The following SCMH1 variants were observed in gnomAD, a reference collection of about 807,000 sequenced individuals.
SCMH1 encodes the protein polycomb protein SCMH1.
In SCMH1, 37 loss-of-function variants were observed where a neutral mutation model predicts 70.8. That is an observed-to-expected ratio of 0.52 (90% confidence interval 0.40 to 0.69). The LOEUF (loss-of-function observed/expected upper bound fraction) is 0.69, where lower values mean the gene tolerates loss of function less well. SCMH1 is among the 30% of genes least tolerant of loss of function. The pLI, the probability that SCMH1 is intolerant of heterozygous loss-of-function variation, is 0.00. For missense variants in SCMH1, 607 were observed against 827.3 expected (o/e 0.73, Z 3.27); for synonymous variants, 292 against 307.4 (o/e 0.95, Z 0.52).
chr1:41,238,825 A>G (rs1662911561), intron 1 of SCMH1, among the ~76,000 whole-genome samples: 1 of 152,184 alleles, frequency 6.6e-6, no homozygotes, highest in Non-Finnish European at 1.5e-5. Context: ...TACTTCCACT[A>G]TATTTGCTCA....
At chr1:41,097,455 G>A (rs187845364) in intron 8 of SCMH1, among the ~76,000 whole-genome samples, 4 of 152,230 alleles carry the variant, frequency 2.6e-5, no homozygotes, top group East Asian at 3.9e-4. Flanking sequence ...ACTGTCTCCC[G>A]AATGTCTCAA....
At chr1:41,092,583 G>A (rs971276128) in intron 8 of SCMH1, among the ~76,000 whole-genome samples, 18 of 152,080 alleles carry the variant, frequency 1.2e-4, no homozygotes, top group African/African-American at 3.6e-4. Context: ...GAGTGAACAG[G>A]CAACCTACAA....
intron 1 of SCMH1, among the ~76,000 whole-genome samples, chr1:41,226,718 T>C (rs1438636950): frequency 2.6e-5 from 4 of 152,198 alleles, no homozygotes; most frequent in African/African-American, 9.6e-5. Context: ...TTCTGACATA[T>C]ATTAATCAAC....
chr1:41,223,915 T>C lies in SCMH1; in HGVS notation c.-118+18144A>G, dbSNP rs570253635. On this transcript the variant is annotated intron_variant, in intron 1 of 14. Coordinates refer to ENST00000337495, the Ensembl canonical transcript of SCMH1. ...GCTCAAAACCCTTCACTGACTCCTC[T>C]TGCCCACAGAATGACATTTAAACTC... 1.1e-3 allele frequency among the ~76,000 whole-genome samples: 166 copies of C among 152,262 alleles called. 1 individual carries two copies. Among genetic ancestry groups the C allele is most frequent in the African/African-American group, 3.9e-3 (160 of 41,554 alleles).
chr1:41,098,673 TC>T, intron 8 of SCMH1: 1 of 172,426 alleles, frequency 5.8e-6, no homozygotes, highest in African/African-American at 2.3e-5. Flanking sequence ...CTCCTGTCCC[TC>T]CCAAAGCCAA....
intron 1 of SCMH1, among the ~76,000 whole-genome samples, chr1:41,202,723 T>C (rs1185739140): frequency 2.0e-5 from 3 of 152,054 alleles, no homozygotes; most frequent in African/African-American, 7.2e-5. Context: ...AGGAGTAATA[T>C]GATGGGGAGG....
chr1:41,164,395 T>C (rs950162539), intron 2 of SCMH1, among the ~76,000 whole-genome samples: 1 of 152,074 alleles, frequency 6.6e-6, no homozygotes, highest in Non-Finnish European at 1.5e-5. Context: ...TTTCTCTCTC[T>C]CCTCAAACTC....
At chr1:41,173,703 G>C (rs1646935273) in intron 2 of SCMH1, among the ~76,000 whole-genome samples, 1 of 152,004 alleles carries the variant, frequency 6.6e-6, no homozygotes, top group African/African-American at 2.4e-5. Context: ...TCAAGATATG[G>C]GATCAACCAA....
chr1:41,034,351 G>A (rs1168036931), intron 13 of SCMH1, among the ~76,000 whole-genome samples: 7 of 149,506 alleles, frequency 4.7e-5, no homozygotes, highest in South Asian at 2.1e-4. Context: ...TTTTTGAGAC[G>A]GAGTCTCACT....
chr1:41,128,724 A>T (rs1673858766), intron 6 of SCMH1, among the ~76,000 whole-genome samples: 1 of 152,112 alleles, frequency 6.6e-6, no homozygotes, highest in African/African-American at 2.4e-5. Flanking sequence ...TTTTTCAAGC[A>T]TTATTTTTCT....
chr1:41,086,752 C>T (rs1332861711), intron 8 of SCMH1, among the ~76,000 whole-genome samples: 1 of 151,856 alleles, frequency 6.6e-6, no homozygotes, highest in Non-Finnish European at 1.5e-5. Context: ...ACAACAGCAA[C>T]AACAACAAAC....
intron 1 of SCMH1, among the ~76,000 whole-genome samples, chr1:41,222,558 C>T (rs186656416): frequency 4.7e-4 from 71 of 152,212 alleles, no homozygotes; most frequent in African/African-American, 9.4e-4. Context: ...GAGACTGTAC[C>T]GAGACATATC....
At chr1:41,214,626 TTATTAAA>T (rs1251523186) in intron 1 of SCMH1, among the ~76,000 whole-genome samples, 2 of 152,168 alleles carry the variant, frequency 1.3e-5, no homozygotes, top group African/African-American at 4.8e-5. Context: ...CACATTATTC[TTATTAAA>T]TAGTTGCAGG....
chr1:41,098,574 T>C (rs1188631677), intron 8 of SCMH1: 1 of 152,232 alleles, frequency 6.6e-6, no homozygotes, highest in Non-Finnish European at 1.5e-5. Flanking sequence ...AAGGTCATTT[T>C]GAAAATTCTG....
chr1:41,092,608 T>C (rs909245120), intron 8 of SCMH1, among the ~76,000 whole-genome samples: 5 of 152,136 alleles, frequency 3.3e-5, no homozygotes, highest in African/African-American at 9.7e-5. Flanking sequence ...GGAGAAAATT[T>C]TTGCAATCTA....
At chr1:41,193,522 G>GT (rs2148677791) in intron 1 of SCMH1, among the ~76,000 whole-genome samples, 1 of 151,644 alleles carries the variant, frequency 6.6e-6, no homozygotes, top group South Asian at 2.1e-4. Context: ...TTTGCCAGGG[G>GT]TTGGGGGGGG....
chr1:41,151,235 T>C (rs1262873541), intron 5 of SCMH1, among the ~76,000 whole-genome samples: 1 of 152,182 alleles, frequency 6.6e-6, no homozygotes, highest in African/African-American at 2.4e-5. Flanking sequence ...TGTAGAAAGA[T>C]AAGATTGTGA....
At chr1:41,061,040 T>C (rs1652433763) in intron 10 of SCMH1, among the ~76,000 whole-genome samples, 1 of 152,150 alleles carries the variant, frequency 6.6e-6, no homozygotes, top group South Asian at 2.1e-4. Context: ...ATTGTAATAG[T>C]GAGAAAATAT....
intron 8 of SCMH1, among the ~76,000 whole-genome samples, chr1:41,104,699 G>A (rs1404458970): frequency 6.6e-6 from 1 of 152,192 alleles, no homozygotes; most frequent in South Asian, 2.1e-4. Flanking sequence ...CTAGTGGCTA[G>A]TGAACACACC....
Sources: allele counts gnomAD v4.1 joint callset (sites outside exome capture counted in the v4.1 genomes callset), GRCh38; gene constraint gnomAD v4.1.1; transcripts MANE v1.5; gene names NCBI Gene and HGNC (gene_info 2026-07-23, HGNC 2026-07-21).